PTBP2: variants seen among roughly 807,000 people sequenced by gnomAD.
The protein encoded by PTBP2 is polypyrimidine tract binding protein 2, also known as polypyrimidine tract-binding protein 2.
A neutral mutation model predicts 61.4 loss-of-function variants in PTBP2; 13 were observed. That is an observed-to-expected ratio of 0.21 (90% CI 0.14 to 0.34). The LOEUF (loss-of-function observed/expected upper bound fraction) is 0.34. Among genes scored for constraint, PTBP2 ranks in the 10% least tolerant of loss-of-function variants. The probability of loss-of-function intolerance (pLI) is 1.00; values close to 1 mark genes in which losing one functional copy is unlikely to be tolerated. For synonymous variants in PTBP2, 215 were observed against 218.5 expected, an observed-to-expected ratio of 0.98 and a Z score of 0.14; for missense variants, 405 against 642.6, an observed-to-expected ratio of 0.63 and a Z score of 4.00.
chr1:96,743,464 A>C (rs376681417), intron 2 of PTBP2, among the ~76,000 whole-genome samples: 8 of 152,294 alleles, frequency 5.3e-5, no homozygotes, highest in Non-Finnish European at 1.2e-4. Context: ...AGCTTGCTCC[A>C]TCTATTACAG....
exon 14 of PTBP2, chr1:96,821,241 C>T (rs1029645794): frequency 2.6e-5 from 4 of 152,166 alleles, no homozygotes; most frequent in African/African-American, 9.6e-5. Flanking sequence ...AGACATTTTT[C>T]GACCTCAAAG....
chr1:96,780,627 T>C (rs1658550064), intron 7 of PTBP2, among the ~76,000 whole-genome samples: 1 of 152,044 alleles, frequency 6.6e-6, no homozygotes, highest in African/African-American at 2.4e-5. Flanking sequence ...CACCTGGATT[T>C]ATCCTACCTC....
At chr1:96,737,337 G>A (rs1454048072) in intron 2 of PTBP2, among the ~76,000 whole-genome samples, 10 of 152,064 alleles carry the variant, frequency 6.6e-5, no homozygotes, top group Non-Finnish European at 2.9e-5. Context: ...TTCATACTAC[G>A]TTTCTTTTGG....
chr1:96,785,267 T>C lies in PTBP2; in HGVS notation c.904+13T>C. Reference sequence around the variant, plus strand: ...ACATCCCTCTTAGGTATGATTTTTATTGTCTTAACCACTTTTCTCCCATTT... The same window carrying C: ...ACATCCCTCTTAGGTATGATTTTTACTGTCTTAACCACTTTTCTCCCATTT... On this transcript the variant is annotated intron_variant, in intron 8 of 13. Transcript: ENST00000674951. The C allele has an allele frequency of 6.5e-7, 1 of 1,545,548 alleles. No homozygotes were observed. Among genetic ancestry groups the C allele is most frequent in the Non-Finnish European group, 8.7e-7 (1 of 1,151,554 alleles).
At position 96,791,826 on chromosome 1, in the gene PTBP2, C is replaced by CTTTTTTTTGTTTTTTTTTTTGTT. The variant is rs1482989030; in HGVS notation, c.904+6580_904+6581insGTTTTTTTTTTTGTTTTTTTTTT. Among the ~76,000 whole-genome samples the CTTTTTTTTGTTTTTTTTTTTGTT allele has an allele frequency of 1.3e-3, 87 of 66,124 alleles. 1 individual carries two copies. The highest frequency in any genetic ancestry group is 2.3e-3 in the South Asian group (4 of 1,740). 43.4% of individuals were successfully genotyped at this position (66,124 alleles called of 152,430 possible). ...TCCACCTCTGTTGCTTGGAGTTGTG[C>CTTTTTTTTGTTTTTTTTTTTGTT]TTTTTTTTTTTTTTTTTTTTTTTGA... On this transcript the variant is annotated intron_variant, in intron 8 of 13. Coordinates refer to ENST00000674951, the MANE Select transcript of PTBP2 (RefSeq NM_021190.4).
rs565539507 is a variant in PTBP2 at position 96,788,470 on chromosome 1, A to G, written c.904+3216A>G. On this transcript the variant is annotated intron_variant, in intron 8 of 13. Transcript: ENST00000674951. ...TAAACATTGTTTATGGTGATATCCA[A>G]TATTGCATGAGTGAGGTCATGCCTT... is the stretch of plus-strand genomic sequence containing the variant. 7.2e-5 allele frequency among the ~76,000 whole-genome samples: 11 copies of G among 152,162 alleles called. No individual in the cohort carries two copies. The East Asian group carries it at 1.9e-3, about 27-fold the overall frequency.
intron 8 of PTBP2, among the ~76,000 whole-genome samples, chr1:96,787,278 T>C (rs1337261744): frequency 6.6e-6 from 1 of 152,148 alleles, no homozygotes; most frequent in Non-Finnish European, 1.5e-5. Context: ...CGCCTCAGCC[T>C]CCCAAAGTGC....
At chr1:96,729,576 T>G (rs879424134) in intron 2 of PTBP2, among the ~76,000 whole-genome samples, 7 of 152,152 alleles carry the variant, frequency 4.6e-5, no homozygotes, top group Non-Finnish European at 7.4e-5. Context: ...GTCGGGAGGT[T>G]TTAAACTACA....
intron 2 of PTBP2, among the ~76,000 whole-genome samples, chr1:96,748,936 T>G (rs1242790003): frequency 6.6e-6 from 1 of 152,208 alleles, no homozygotes; most frequent in African/African-American, 2.4e-5. Context: ...GCATAATTGC[T>G]TTTTTCAAAT....
rs558319692 is a variant in PTBP2, at chr1:96,749,878, A to G, written c.40-1547A>G. Among the ~76,000 whole-genome samples the G allele has an allele frequency of 2.6e-5, 4 of 152,242 alleles. No homozygotes were observed. The South Asian group carries it at 6.2e-4, about 24-fold the overall frequency. ...ACAAATAAAGAACTTCAGGCTTAGAATGATTAAGTACTGTTACCTAACTGA... is the reference window on the plus strand; with the variant it reads ...ACAAATAAAGAACTTCAGGCTTAGAGTGATTAAGTACTGTTACCTAACTGA... On this transcript the variant is annotated intron_variant, in intron 2 of 13. Coordinates refer to ENST00000674951, the MANE Select transcript of PTBP2 (RefSeq NM_021190.4).
chr1:96,813,119 C>T lies in PTBP2; in HGVS notation c.1466+13C>T. ...TTAAGTTTTTTCAGTAAGCAAGCTT[C>T]CTTATCTTTAAATTAGTGACCTGAT... On this transcript the variant is annotated intron_variant, in intron 13 of 13. Transcript: ENST00000674951. The T allele has an allele frequency of 6.3e-7, 1 of 1,595,712 alleles. No individual in the cohort carries two copies. Among genetic ancestry groups the T allele is most frequent in the Non-Finnish European group, 8.6e-7 (1 of 1,169,450 alleles).
intron 3 of PTBP2, among the ~76,000 whole-genome samples, chr1:96,763,334 G>A (rs989049092): frequency 6.6e-5 from 10 of 152,222 alleles, no homozygotes; most frequent in East Asian, 3.9e-4. Flanking sequence ...CCGGCACCTC[G>A]GGAGGCCGAG....
chr1:96,765,009 A>G (rs1272839055), intron 3 of PTBP2, among the ~76,000 whole-genome samples: 1 of 152,250 alleles, frequency 6.6e-6, no homozygotes, highest in Non-Finnish European at 1.5e-5. Context: ...ACAGAATAGC[A>G]GAAGTACCAC....
chr1:96,756,041 C>G (rs1368860545), intron 3 of PTBP2, among the ~76,000 whole-genome samples: 2 of 152,204 alleles, frequency 1.3e-5, no homozygotes, highest in African/African-American at 4.8e-5. Context: ...CAGGAACTCT[C>G]ACTTACTGCT....
At chr1:96,761,346 A>AT (rs375632927) in intron 3 of PTBP2, among the ~76,000 whole-genome samples, 2 of 140,480 alleles carry the variant, frequency 1.4e-5, no homozygotes, top group Non-Finnish European at 3.1e-5. Flanking sequence ...GTGGGATTTG[A>AT]TGTGTGTGTG....
chr1:96,771,050 G>C (rs1657320942), intron 5 of PTBP2, 199 bp downstream of exon 5: 1 of 409,160 alleles, frequency 2.4e-6, no homozygotes, highest in Admixed American at 4.3e-5. Context: ...CTGGTCAAAT[G>C]TTCTTTTTCT....
intron 3 of PTBP2, among the ~76,000 whole-genome samples, chr1:96,765,492 C>T (rs934284763): frequency 6.6e-6 from 1 of 152,156 alleles, no homozygotes; most frequent in Non-Finnish European, 1.5e-5. Flanking sequence ...AGGTGGATCA[C>T]TTGAGGCCAG....
chr1:96,801,844 AGAGC>A (rs1265273273), intron 8 of PTBP2, among the ~76,000 whole-genome samples: 1 of 146,386 alleles, frequency 6.8e-6, no homozygotes, highest in African/African-American at 2.5e-5. Flanking sequence ...CTGGGGGACA[AGAGC>A]AAGACTCCAT....
intron 7 of PTBP2, among the ~76,000 whole-genome samples, chr1:96,780,206 ACTAT>A (rs970138058): frequency 5.9e-5 from 9 of 152,056 alleles, no homozygotes; most frequent in African/African-American, 1.9e-4. Context: ...AAGAGACTGC[ACTAT>A]CTGTCATCCC....
Sources: gnomAD v4.1 joint callset for allele counts (sites outside exome capture counted in the v4.1 genomes callset) on GRCh38, gnomAD v4.1.1 for gene constraint, MANE v1.5 for transcripts, NCBI Gene and HGNC (gene_info 2026-07-23, HGNC 2026-07-21) for gene names.